Variants in MTUS2 observed in about 807,000 individuals in gnomAD.
MTUS2 encodes the protein microtubule associated scaffold protein 2, also known as microtubule-associated tumor suppressor candidate 2.
In MTUS2, 40 loss-of-function variants were observed where a neutral mutation model predicts 114.1. The ratio of observed to expected loss-of-function variants is 0.35; its 90% CI spans 0.27 to 0.46. The LOEUF (loss-of-function observed/expected upper bound fraction) is 0.46, where lower values mean the gene tolerates loss of function less well. MTUS2 is among the 20% of genes least tolerant of loss of function. The pLI, the probability that MTUS2 is intolerant of heterozygous loss-of-function variation, is 1.00. For synonymous variants in MTUS2, 688 were observed against 672.0 expected, an observed-to-expected ratio of 1.02 and a Z score of -0.37; for missense variants, 1,679 against 1,705.4, an observed-to-expected ratio of 0.98 and a Z score of 0.27.
intron 9 of MTUS2, among the ~76,000 whole-genome samples, chr13:29,471,746 C>CCCCG (rs1555283302): frequency 9.3e-5 from 13 of 140,410 alleles, no homozygotes; most frequent in African/African-American, 3.7e-4. Flanking sequence ...GGCCCAGCCC[C>CCCCG]CCCCGACACA....
At chr13:29,063,590 T>C (rs1312259416) in intron 4 of MTUS2, among the ~76,000 whole-genome samples, 1 of 152,202 alleles carries the variant, frequency 6.6e-6, no homozygotes, top group Non-Finnish European at 1.5e-5. Flanking sequence ...GTGTAAAGTT[T>C]CCTCTTTGGT....
At chr13:29,390,540 C>G (rs1473739574) in intron 8 of MTUS2, among the ~76,000 whole-genome samples, 1 of 151,036 alleles carries the variant, frequency 6.6e-6, no homozygotes, top group African/African-American at 2.4e-5. Context: ...ATTATCCCAG[C>G]TACCCAGGAG....
intron 8 of MTUS2, among the ~76,000 whole-genome samples, chr13:29,384,751 C>T (rs1844523614): frequency 6.6e-6 from 1 of 152,200 alleles, no homozygotes; most frequent in South Asian, 2.1e-4. Flanking sequence ...GCTTTCCTGC[C>T]AGCCTGGATA....
chr13:29,236,202 C>A (rs1454286718), intron 5 of MTUS2, among the ~76,000 whole-genome samples: 1 of 152,096 alleles, frequency 6.6e-6, no homozygotes, highest in Non-Finnish European at 1.5e-5. Flanking sequence ...TTGCCGGGGG[C>A]AATTCTTTGG....
intron 4 of MTUS2, among the ~76,000 whole-genome samples, chr13:29,087,810 G>A (rs1050962262): frequency 5.9e-5 from 9 of 152,260 alleles, no homozygotes; most frequent in African/African-American, 2.2e-4. Flanking sequence ...TGTAATCCCG[G>A]CACTCTGGTA....
At position 29,025,354 on chromosome 13, in the gene MTUS2, C is replaced by G; in HGVS notation, c.656C>G (p.Thr219Arg). ...GGGGGTGGGGAGGGGCCACAGAAGA[C>G]ATTGCCAGACCACGCTGTCCCGGCA... ...IPGGGEGPQK[T>R]LPDHAVPAAF... Residue 219 changes from threonine (T) to arginine (R), a missense_variant, in exon 3 of 16, where the codon ACA becomes AGA. Coordinates refer to ENST00000612955, the MANE Select transcript of MTUS2 (RefSeq NM_001033602.4). 1 of 1,613,784 alleles carries G rather than the reference C, an allele frequency of 6.2e-7. No homozygotes were observed. Among genetic ancestry groups the G allele is most frequent in the Non-Finnish European group, 8.5e-7 (1 of 1,179,856 alleles).
intron 9 of MTUS2, among the ~76,000 whole-genome samples, chr13:29,473,273 G>A (rs904241259): frequency 6.6e-6 from 1 of 152,148 alleles, no homozygotes; most frequent in African/African-American, 2.4e-5. Context: ...ATTACGAGCT[G>A]TAGAGCCAGA....
intron 5 of MTUS2, among the ~76,000 whole-genome samples, chr13:29,244,699 G>T (rs894134953): frequency 5.3e-5 from 8 of 152,188 alleles, no homozygotes; most frequent in African/African-American, 1.9e-4. Flanking sequence ...GCTCACGCCT[G>T]TAATCCCAGC....
At chr13:29,141,229 G>A (rs1284569113) in intron 5 of MTUS2, among the ~76,000 whole-genome samples, 1 of 152,176 alleles carries the variant, frequency 6.6e-6, no homozygotes, top group Non-Finnish European at 1.5e-5. Flanking sequence ...CAGTGGAGCA[G>A]ACAGACAGGT....
In MTUS2 at chr13:29,256,092, C is replaced by T. The variant is rs1449394815; in HGVS notation, c.2645-25612C>T. Among the ~76,000 whole-genome samples the T allele has an allele frequency of 5.9e-5, 9 of 152,292 alleles. 1 individual carries two copies. The South Asian group carries it at 1.4e-3, about 25-fold the overall frequency. On this transcript the variant is annotated intron_variant, in intron 5 of 15. Transcript: ENST00000612955. ...GTTCCTGTTTGTCCCAGGCCCCAGGCGGTATGACAGTGGCGTCATCTTAGA... is the reference window on the plus strand; with the variant it reads ...GTTCCTGTTTGTCCCAGGCCCCAGGTGGTATGACAGTGGCGTCATCTTAGA...
chr13:29,259,811 G>A (rs1020176264), intron 5 of MTUS2, among the ~76,000 whole-genome samples: 1 of 152,200 alleles, frequency 6.6e-6, no homozygotes, highest in Non-Finnish European at 1.5e-5. Context: ...GGCCAGGAGA[G>A]GGGAGCCTAA....
intron 8 of MTUS2, among the ~76,000 whole-genome samples, chr13:29,431,106 A>G (rs1566196131): frequency 6.6e-6 from 1 of 152,230 alleles, no homozygotes; most frequent in Non-Finnish European, 1.5e-5. Context: ...ACATGGTGGG[A>G]CAATTAAAGA....
At chr13:29,092,276 C>G (rs1469040141) in intron 4 of MTUS2, among the ~76,000 whole-genome samples, 1 of 152,166 alleles carries the variant, frequency 6.6e-6, no homozygotes, top group Non-Finnish European at 1.5e-5. Context: ...CCTACTCTTC[C>G]CTAATTGTTT....
intron 6 of MTUS2, chr13:29,307,225 G>T: frequency 1.7e-6 from 1 of 585,118 alleles, no homozygotes; most frequent in South Asian, 1.7e-5. Flanking sequence ...CATCAGCAAT[G>T]CCTCCTGCAC....
rs201312919 is a variant in MTUS2 at position 29,025,457 on chromosome 13, G to A, written c.759G>A (p.Gln253=). ...HPKPSTSESK[Q]STPSETQTVG... ...AACCATCTACCTCAGAAAGCAAGCA[G>A]AGCACTCCCTCAGAGACCCAAACAG... The change falls in exon 3 of 16, where the codon CAG becomes CAA. Residue 253 remains glutamine (Q), a synonymous_variant. Transcript: ENST00000612955. 71 of 1,612,812 alleles carry A rather than the reference G, an allele frequency of 4.4e-5. No individual in the cohort carries two copies. The highest frequency in any genetic ancestry group is 5.7e-5 in the Non-Finnish European group (67 of 1,179,536).
rs373502341 is a variant in MTUS2, at chr13:29,025,529, C to T, written c.831C>T (p.Ser277=). The T allele has an allele frequency of 6.8e-5, 109 of 1,613,680 alleles. No homozygotes were observed. The highest frequency in any genetic ancestry group is 5.0e-4 in the Admixed American group (30 of 59,994). ...LQVCSEHTSH[S]AHPEPALNLT... Reference sequence around the variant, plus strand: ...TGTGCAGTGAGCACACATCACATTCCGCCCATCCAGAGCCTGCTCTGAATT... The same window carrying T: ...TGTGCAGTGAGCACACATCACATTCTGCCCATCCAGAGCCTGCTCTGAATT... The change falls in exon 3 of 16, where the codon TCC becomes TCT. Residue 277 remains serine, a synonymous_variant. Transcript: ENST00000612955.
chr13:29,134,679 C>A (rs778649303), intron 5 of MTUS2, among the ~76,000 whole-genome samples: 12 of 152,232 alleles, frequency 7.9e-5, no homozygotes. Context: ...CTCACTGCAA[C>A]TTCCGCCTCC....
intron 7 of MTUS2, among the ~76,000 whole-genome samples, chr13:29,332,721 A>G (rs7986348): frequency 0.28 from 38,991 of 140,078 alleles, 5,805 homozygotes; most frequent in African/African-American, 0.43. Context: ...TGCAAGCTCC[A>G]CCTCCTGGGT....
intron 9 of MTUS2, among the ~76,000 whole-genome samples, chr13:29,463,239 G>A (rs905880179): frequency 1.3e-5 from 2 of 152,168 alleles, no homozygotes; most frequent in Non-Finnish European, 2.9e-5. Context: ...GCACACCCCT[G>A]CTGACACCTT....
Sources: allele counts gnomAD v4.1 joint callset (sites outside exome capture counted in the v4.1 genomes callset), GRCh38; gene constraint gnomAD v4.1.1; transcripts MANE v1.5; gene names NCBI Gene and HGNC (gene_info 2026-07-23, HGNC 2026-07-21).